The following ZBTB25 variants were observed in gnomAD, a reference collection of about 807,000 sequenced individuals.
ZBTB25 encodes the protein zinc finger and BTB domain containing 25.
A neutral mutation model predicts 34.2 loss-of-function variants in ZBTB25; 20 were observed. The observed-to-expected ratio is 0.58, with a 90% confidence interval of 0.41 to 0.85. The LOEUF is 0.85. ZBTB25 is among the 40% of genes least tolerant of loss of function. ZBTB25 has a pLI of 0.00. For synonymous variants in ZBTB25, 175 were observed against 186.4 expected, an observed-to-expected ratio of 0.94 and a Z score of 0.50; for missense variants, 437 against 521.8, an observed-to-expected ratio of 0.84 and a Z score of 1.58.
At chr14:64,492,565 T>C (rs934432344) in intron 1 of ZBTB25, among the ~76,000 whole-genome samples, 2 of 151,442 alleles carry the variant, frequency 1.3e-5, no homozygotes, top group Admixed American at 6.6e-5. Flanking sequence ...AAATGGTTCA[T>C]ATTGAAGCAT....
intron 1 of ZBTB25, among the ~76,000 whole-genome samples, chr14:64,494,357 G>C (rs1174292443): frequency 6.6e-6 from 1 of 152,228 alleles, no homozygotes; most frequent in African/African-American, 2.4e-5. Flanking sequence ...GCTAGGCCAA[G>C]CGCAGTGGCC....
chr14:64,481,409 C>T lies in ZBTB25; in HGVS notation c.*5514G>A, dbSNP rs2078791779. ...AGTACATTAGGTGGATGAGTTTAGC[C>T]ACACAATGTATTATTGATTTTGGTC... On this transcript the variant is annotated 3_prime_UTR_variant, in exon 3 of 3. Coordinates refer to ENST00000608382, the MANE Select transcript of ZBTB25 (RefSeq NM_006977.5). 1 of 152,230 alleles carries T rather than the reference C, an allele frequency of 6.6e-6. No individual in the cohort carries two copies. Among genetic ancestry groups the T allele is most frequent in the African/African-American group, 2.4e-5 (1 of 41,458 alleles). The allele number at this position is 152,230 out of a possible 1,614,324, so 9.4% of individuals were successfully genotyped here.
intron 2 of ZBTB25, among the ~76,000 whole-genome samples, 192 bp downstream of exon 2, chr14:64,490,169 T>C (rs561900647): frequency 8.9e-5 from 11 of 123,066 alleles, no homozygotes; most frequent in Admixed American, 1.9e-4. Context: ...CACTGAACCA[T>C]TGCACTCCAG....
chr14:64,469,395 G>A, intron 2 of ZBTB25: 1 of 1,613,980 alleles, frequency 6.2e-7, no homozygotes, highest in Non-Finnish European at 8.5e-7. Flanking sequence ...GAAAGCAAAA[G>A]AATGGAGCCA....
chr14:64,449,470 C>T lies in ZBTB25; in HGVS notation c.*81G>A, dbSNP rs17857382. On this transcript the variant is annotated 3_prime_UTR_variant, in exon 3 of 3. Coordinates refer to the ZBTB25 transcript ENST00000555220. ...GACGGATACAGAGTCTGAGCTGGACCTCATCAGCCGCCTTTCCAGAGAACA... is the reference window on the plus strand; with the variant it reads ...GACGGATACAGAGTCTGAGCTGGACTTCATCAGCCGCCTTTCCAGAGAACA... 5.5e-3 allele frequency: 8,875 copies of T among 1,613,774 alleles called. 402 individuals are homozygous for T. In the African/African-American group the frequency reaches 0.1, roughly 19 times the overall value.
chr14:64,493,237 G>T (rs767181269), intron 1 of ZBTB25, among the ~76,000 whole-genome samples: 7 of 152,122 alleles, frequency 4.6e-5, no homozygotes, highest in Non-Finnish European at 4.4e-5. Context: ...TCTGTGGGAG[G>T]GAGAACAGAG....
rs931794950 is a variant in ZBTB25, at chr14:64,503,602, C to T, written c.-8+59G>A. On this transcript the variant is annotated intron_variant, in intron 1 of 2. Transcript: ENST00000608382. ...AGCTGCAGGCCGCCGCCCTGGGTGG[C>T]TCGCGGCAGGAGGGACTGAGCCCGG... 4.1e-6 allele frequency: 4 copies of T among 985,604 alleles called. No homozygotes were observed. In the African/African-American group the frequency reaches 7.0e-5, roughly 17 times the overall value. 61.1% of individuals were successfully genotyped at this position (985,604 alleles called of 1,614,324 possible).
intron 2 of ZBTB25, chr14:64,468,712 A>G: frequency 5.0e-6 from 8 of 1,614,194 alleles, no homozygotes; most frequent in Non-Finnish European, 6.8e-6. Context: ...GTGAAATGCA[A>G]CCTGCAATAA....
chr14:64,459,589 A>G (rs528962753), intron 2 of ZBTB25, among the ~76,000 whole-genome samples: 1 of 152,236 alleles, frequency 6.6e-6, no homozygotes, highest in East Asian at 1.9e-4. Context: ...AATACCATGC[A>G]TCATTTTCAA....
intron 1 of ZBTB25, among the ~76,000 whole-genome samples, chr14:64,498,703 G>A (rs953049730): frequency 1.3e-5 from 2 of 151,620 alleles, no homozygotes; most frequent in East Asian, 1.9e-4. Context: ...GCACGATCTC[G>A]GCTCACTGCA....
chr14:64,490,842 T>C (rs962093948), intron 1 of ZBTB25, among the ~76,000 whole-genome samples: 1 of 152,240 alleles, frequency 6.6e-6, no homozygotes, highest in East Asian at 1.9e-4. Context: ...CTTTTCCATC[T>C]ATGTGAACAC....
rs201259387 is a variant in ZBTB25 at position 64,487,097 on chromosome 14, A to G, written c.1134T>C (p.Tyr378=). The G allele has an allele frequency of 5.0e-6, 8 of 1,614,258 alleles. No homozygotes were observed. Among genetic ancestry groups the G allele is most frequent in the South Asian group, 2.2e-5 (2 of 91,086 alleles). ...CATTACCAAACCTTTGGCATCGGTTATATCTGTAAGATTTACCTTTGTGTG... is the reference window on the plus strand; with the variant it reads ...CATTACCAAACCTTTGGCATCGGTTGTATCTGTAAGATTTACCTTTGTGTG... ...MYTHKGKSYR[Y]NRCQRFGNAL... Residue 378 remains tyrosine, a synonymous_variant, in exon 3 of 3, where the codon TAT becomes TAC. Coordinates refer to ENST00000608382, the MANE Select transcript of ZBTB25 (RefSeq NM_006977.5).
At chr14:64,503,077 G>C in intron 1 of ZBTB25, 1 of 985,478 alleles carries the variant, frequency 1.0e-6, no homozygotes, top group Middle Eastern at 5.2e-4. Context: ...GGTAACAACT[G>C]ATTACTCCAA....
At chr14:64,490,311 T>C (rs1241273512) in intron 2 of ZBTB25, 50 bp downstream of exon 2, 8 of 1,392,972 alleles carry the variant, frequency 5.7e-6, no homozygotes, top group Middle Eastern at 2.1e-4. Flanking sequence ...TAATAAAGCT[T>C]ATATAAATCA....
At chr14:64,505,071 G>A (rs1438312776), upstream of ZBTB25, 1 of 365,688 alleles carries the variant, frequency 2.7e-6, no homozygotes, top group Non-Finnish European at 4.9e-6. Context: ...CCGGAGCGCG[G>A]CGGACGCGCT....
chr14:64,487,030 C>A lies in ZBTB25; in HGVS notation c.1201G>T (p.Asp401Tyr). 2 of 1,614,216 alleles carry A rather than the reference C, an allele frequency of 1.2e-6. No homozygotes were observed. Among genetic ancestry groups the A allele is most frequent in the Non-Finnish European group, 1.7e-6 (2 of 1,180,052 alleles). ...RFQPYCDSWS[D>Y]VSLKSSRLSQ... is the part of the protein sequence containing the mutation. ...AAGCGAGAACTTTTCAGGGAGACAT[C>A]AGACCAGCTGTCACAGTATGGCTGA... is the stretch of plus-strand genomic sequence containing the variant. The change falls in exon 3 of 3, where the codon GAT becomes TAT. Residue 401 changes from aspartate (D) to tyrosine (Y), a missense_variant. Physicochemically the swap from Asp to Tyr is radical, Grantham distance 160. Transcript: ENST00000608382.
Position 64,486,789 on chromosome 14 carries a change from C to T in ZBTB25, c.*134G>A, listed in dbSNP as rs2078875227. On this transcript the variant is annotated 3_prime_UTR_variant, in exon 3 of 3. Transcript: ENST00000608382. Reference sequence around the variant, plus strand: ...GTCTTATGAGAAGATCTAATATATACAACCTTAAAACCATGGATAAGCTGT... The same window carrying T: ...GTCTTATGAGAAGATCTAATATATATAACCTTAAAACCATGGATAAGCTGT... The T allele has an allele frequency of 6.3e-6, 9 of 1,417,852 alleles. No homozygotes were observed. Among genetic ancestry groups the T allele is most frequent in the Non-Finnish European group, 8.3e-6 (9 of 1,089,760 alleles). The allele number at this position is 1,417,852 out of a possible 1,614,324, so 87.8% of individuals were successfully genotyped here.
intron 2 of ZBTB25, chr14:64,471,700 T>G (rs1473237298): frequency 6.2e-6 from 1 of 161,364 alleles, no homozygotes; most frequent in Non-Finnish European, 1.5e-5. Context: ...GTGTTACTAC[T>G]TGAAACAGAT....
At chr14:64,489,134 G>A (rs1208860318) in intron 2 of ZBTB25, among the ~76,000 whole-genome samples, 1 of 152,072 alleles carries the variant, frequency 6.6e-6, no homozygotes, top group Non-Finnish European at 1.5e-5. Context: ...TGTGGTCCTA[G>A]CTACTAGGGA....
Sources: allele counts gnomAD v4.1 joint callset (sites outside exome capture counted in the v4.1 genomes callset), GRCh38; gene constraint gnomAD v4.1.1; transcripts MANE v1.5; gene names NCBI Gene and HGNC (gene_info 2026-07-23, HGNC 2026-07-21).